Variants in TMEM132D observed in about 807,000 individuals in gnomAD.
TMEM132D encodes the protein mature OL transmembrane protein.
TMEM132D carries 21 observed loss-of-function variants against 62.3 expected under a neutral mutation model. That is an observed-to-expected ratio of 0.34 (90% CI 0.24 to 0.49). The LOEUF (loss-of-function observed/expected upper bound fraction) is 0.49, where lower values mean the gene tolerates loss of function less well. Among genes scored for constraint, TMEM132D ranks in the 20% least tolerant of loss-of-function variants. The pLI is 0.99. For missense variants in TMEM132D, 1,346 were observed against 1,402.8 expected (o/e 0.96, Z 0.65); for synonymous variants, 621 against 575.6 (o/e 1.08, Z -1.13).
intron 2 of TMEM132D, among the ~76,000 whole-genome samples, chr12:129,546,366 C>T (rs1320909582): frequency 3.3e-5 from 5 of 152,020 alleles, no homozygotes; most frequent in Admixed American, 1.3e-4. Flanking sequence ...TACATGTCTG[C>T]GTGTGTATAT....
intron 1 of TMEM132D, among the ~76,000 whole-genome samples, chr12:129,773,350 G>A (rs982504913): frequency 2.6e-5 from 4 of 152,182 alleles, no homozygotes; most frequent in Non-Finnish European, 5.9e-5. Context: ...AGGCTGCCAC[G>A]TGTCATGAAG....
rs537814588 is a variant in TMEM132D at position 129,801,427 on chromosome 12, C to G, written c.80-100729G>C. On this transcript the variant is annotated intron_variant, in intron 1 of 8. Transcript: ENST00000422113. ...TGGGAGGCACCCCCCAGCAGGGGCA[C>G]ACTGACACCTCACACGGCAGGGTAT... Among the ~76,000 whole-genome samples, 989 of 151,740 alleles carry G rather than the reference C, an allele frequency of 6.5e-3. 11 individuals carry two copies. Among genetic ancestry groups the G allele is most frequent in the Non-Finnish European group, 5.2e-3 (353 of 67,918 alleles).
rs1242104903 is a variant in TMEM132D, at chr12:129,078,629, T to C, written c.2020A>G (p.Thr674Ala). 6.2e-7 allele frequency: 1 copy of C among 1,614,068 alleles called. No individual in the cohort carries two copies. The highest frequency in any genetic ancestry group is 8.5e-7 in the Non-Finnish European group (1 of 1,180,044). Residue 674 changes from threonine (T) to alanine (A), a missense_variant, in exon 8 of 9, where the codon ACA becomes GCA. Transcript: ENST00000422113. ...AGCTGCAAGGAGAGTGACAGCCCTG[T>C]CACCAGCTGCACCCCGAGGTCTGTG... Reference protein sequence around the residue: ...TITDLGVQLVTGLSLSLQLSP... With the variant: ...TITDLGVQLVAGLSLSLQLSP...
intron 3 of TMEM132D, among the ~76,000 whole-genome samples, chr12:129,357,251 A>T (rs1251265635): frequency 6.6e-6 from 1 of 151,272 alleles, no homozygotes; most frequent in African/African-American, 2.4e-5. Flanking sequence ...TGTCTCAAAA[A>T]AAAAAAAAGA....
intron 4 of TMEM132D, among the ~76,000 whole-genome samples, chr12:129,307,477 C>T (rs75148974): frequency 6.6e-6 from 1 of 152,040 alleles, no homozygotes; most frequent in Admixed American, 6.5e-5. Flanking sequence ...AAACCTTAGC[C>T]CTTCTATTTC....
chr12:129,098,692 C>T (rs928732893), intron 5 of TMEM132D, among the ~76,000 whole-genome samples: 3 of 152,200 alleles, frequency 2.0e-5, no homozygotes, highest in Non-Finnish European at 4.4e-5. Context: ...CCTGCCTGCT[C>T]ACGTCCTCGC....
intron 4 of TMEM132D, among the ~76,000 whole-genome samples, chr12:129,227,876 G>T (rs1419120102): frequency 6.6e-6 from 1 of 152,098 alleles, no homozygotes; most frequent in Non-Finnish European, 1.5e-5. Flanking sequence ...GCGATAGTTT[G>T]CTGAGAATGA....
rs115532564 is a variant in TMEM132D, at chr12:129,404,536, C to T, written c.1116-66719G>A. Among the ~76,000 whole-genome samples, 704 of 152,282 alleles carry T rather than the reference C, an allele frequency of 4.6e-3. 5 individuals carry two copies. Among genetic ancestry groups the T allele is most frequent in the African/African-American group, 0.016 (673 of 41,556 alleles). On this transcript the variant is annotated intron_variant, in intron 3 of 8. Coordinates refer to ENST00000422113, the MANE Select transcript of TMEM132D (RefSeq NM_133448.3). ...TATAAAGAAAAGAAAAAGGTTTAAT[C>T]GGTTTGTTTCTGCAGGCTGTACAAA...
At chr12:129,636,735 T>TGA (rs1345382936) in intron 2 of TMEM132D, among the ~76,000 whole-genome samples, 86 of 91,460 alleles carry the variant, frequency 9.4e-4, no homozygotes, top group East Asian at 1.4e-3. Context: ...TGTGTGTGTG[T>TGA]GTGAGAGAGA....
chr12:129,735,848 A>G (rs2137255488), intron 1 of TMEM132D, among the ~76,000 whole-genome samples: 1 of 152,318 alleles, frequency 6.6e-6, no homozygotes, highest in South Asian at 2.1e-4. Context: ...CCATTTATCC[A>G]TGCCATTGTC....
intron 5 of TMEM132D, among the ~76,000 whole-genome samples, chr12:129,146,563 G>A (rs540630574): frequency 5.1e-4 from 77 of 152,256 alleles, no homozygotes; most frequent in African/African-American, 1.8e-3. Flanking sequence ...TCCTTTGCCT[G>A]GGTGAGAGGT....
intron 1 of TMEM132D, among the ~76,000 whole-genome samples, chr12:129,799,221 C>T (rs1288111007): frequency 7.9e-5 from 12 of 151,962 alleles, no homozygotes; most frequent in African/African-American, 2.2e-4. Context: ...GCTGAGATCG[C>T]GCCACTGCAC....
intron 4 of TMEM132D, among the ~76,000 whole-genome samples, chr12:129,319,952 T>C (rs1425663856): frequency 6.6e-6 from 1 of 152,212 alleles, no homozygotes; most frequent in Non-Finnish European, 1.5e-5. Context: ...AGTGAGATGA[T>C]ATTTTAGAGA....
At chr12:129,828,630 A>G (rs73160244) in intron 1 of TMEM132D, among the ~76,000 whole-genome samples, 6,985 of 133,398 alleles carry the variant, frequency 0.052, 254 homozygotes, top group East Asian at 0.096. Context: ...AATGAGAAGT[A>G]AGGAAGAAGA....
At chr12:129,184,671 T>C (rs7294821) in intron 5 of TMEM132D, among the ~76,000 whole-genome samples, 76,763 of 152,182 alleles carry the variant, frequency 0.5, 19,442 homozygotes, top group East Asian at 0.63. Context: ...ACTTGCGCTC[T>C]GGCGCCTGCG....
intron 1 of TMEM132D, among the ~76,000 whole-genome samples, chr12:129,865,339 G>C (rs1566012922): frequency 6.6e-6 from 1 of 152,174 alleles, no homozygotes. Flanking sequence ...GGAGCATAGA[G>C]AGCAGAAGGG....
At chr12:129,896,578 G>C (rs767321269) in intron 1 of TMEM132D, among the ~76,000 whole-genome samples, 2 of 152,170 alleles carry the variant, frequency 1.3e-5, no homozygotes, top group African/African-American at 4.8e-5. Flanking sequence ...CATCTTCTTA[G>C]TGAATCTGCA....
chr12:129,257,928 T>C (rs1880451192), intron 4 of TMEM132D, among the ~76,000 whole-genome samples: 1 of 152,202 alleles, frequency 6.6e-6, no homozygotes, highest in African/African-American at 2.4e-5. Context: ...ACAGTACCAC[T>C]GCATGTTAAT....
At chr12:129,453,686 A>T (rs7313741) in intron 3 of TMEM132D, among the ~76,000 whole-genome samples, 149,165 of 152,292 alleles carry the variant, frequency 0.98, 73,131 homozygotes, top group East Asian at 1. Context: ...CCTTCAGTGA[A>T]CTTGGATCCA....
Sources: allele counts gnomAD v4.1 joint callset (sites outside exome capture counted in the v4.1 genomes callset), GRCh38; gene constraint gnomAD v4.1.1; transcripts MANE v1.5; gene names NCBI Gene and HGNC (gene_info 2026-07-23, HGNC 2026-07-21).